DIAPH2: variants seen among roughly 807,000 people sequenced by gnomAD.
DIAPH2 encodes the protein protein diaphanous homolog 2.
Under a neutral mutation model 92.7 loss-of-function variants are expected in DIAPH2, and 35 were observed. The observed-to-expected ratio is 0.38, with a 90% CI of 0.29 to 0.50. DIAPH2 has a LOEUF of 0.50. Among genes scored for constraint, DIAPH2 ranks in the 20% least tolerant of loss-of-function variants. The pLI is 0.94. For missense variants in DIAPH2, 701 were observed against 819.5 expected (o/e 0.86, Z 1.77); for synonymous variants, 301 against 280.4 (o/e 1.07, Z -0.73).
chrX:96,717,646 G>T (rs1239879305), intron 1 of DIAPH2, among the ~76,000 whole-genome samples: 1 of 101,533 alleles, frequency 9.8e-6, no homozygotes, highest in Non-Finnish European at 2.0e-5. Flanking sequence ...TATATAACAT[G>T]TCTTTCCCCC....
chrX:96,958,169 T>G (rs1328833818), intron 16 of DIAPH2, 21 bp downstream of exon 16: 4 of 1,195,740 alleles, frequency 3.3e-6, no homozygotes, highest in Non-Finnish European at 4.5e-6. Flanking sequence ...AACTAGAGTT[T>G]TTTTACTTTG....
intron 23 of DIAPH2, among the ~76,000 whole-genome samples, chrX:97,251,718 CG>C (rs2068191170): frequency 8.9e-6 from 1 of 111,873 alleles, no homozygotes; most frequent in Admixed American, 9.5e-5. Flanking sequence ...CCACAGCGCC[CG>C]GCCTATGTGA....
intron 26 of DIAPH2, among the ~76,000 whole-genome samples, chrX:97,556,963 C>G (rs778033554): frequency 8.9e-6 from 1 of 111,816 alleles, no homozygotes; most frequent in East Asian, 2.8e-4. Flanking sequence ...TCTCAGGAAG[C>G]CCAAAATGTT....
chrX:96,931,002 T>G (rs1365129070), intron 10 of DIAPH2, among the ~76,000 whole-genome samples, 159 bp downstream of exon 10: 2 of 112,290 alleles, frequency 1.8e-5, no homozygotes, highest in African/African-American at 6.5e-5. Context: ...AATAGCATTC[T>G]CTACATACAA....
At chrX:97,539,182 T>C (rs2071120462) in intron 26 of DIAPH2, among the ~76,000 whole-genome samples, 1 of 110,915 alleles carries the variant, frequency 9.0e-6, no homozygotes, top group South Asian at 4.0e-4. Context: ...TTGTCAGTGG[T>C]CAGAATGATT....
At chrX:96,794,454 C>T (rs997650294) in intron 4 of DIAPH2, among the ~76,000 whole-genome samples, 2 of 109,003 alleles carry the variant, frequency 1.8e-5, no homozygotes, top group African/African-American at 6.7e-5. Flanking sequence ...TCCAAGTTGC[C>T]CAGACCATTT....
chrX:97,531,699 C>T (rs965537961), intron 26 of DIAPH2, among the ~76,000 whole-genome samples: 10 of 111,944 alleles, frequency 8.9e-5, no homozygotes, highest in Non-Finnish European at 1.9e-5. Context: ...GTATAGACTG[C>T]TTATGAGAAC....
Position 97,578,228 on chromosome X carries a change from G to C in DIAPH2, c.3242-21025G>C, listed in dbSNP as rs1484235234. On this transcript the variant is annotated intron_variant, in intron 26 of 26. Coordinates refer to ENST00000324765, the MANE Select transcript of DIAPH2 (RefSeq NM_006729.5). ...GTACATGTGCACATTGTGCAGGTTA[G>C]TTACATACGTATACATGTGCCGTGC... 2.8e-5 allele frequency among the ~76,000 whole-genome samples: 3 copies of C among 107,133 alleles called. No homozygotes were observed. In the East Asian group the frequency reaches 8.7e-4, roughly 31 times the overall value. 93.0% of individuals were successfully genotyped at this position (107,133 alleles called of 115,157 possible). A position where few individuals can be genotyped will look rare whatever the true frequency, so the allele number is the denominator to read the frequency against.
intron 22 of DIAPH2, 115 bp from the exon 23 acceptor site, chrX:97,247,600 C>T (rs1283231987): frequency 3.9e-5 from 25 of 643,841 alleles, no homozygotes; most frequent in East Asian, 1.1e-4. Context: ...GAGTTGACTT[C>T]ATGGAACTAT....
chrX:97,238,754 G>A (rs2068068849), intron 22 of DIAPH2, among the ~76,000 whole-genome samples: 1 of 111,615 alleles, frequency 9.0e-6, no homozygotes, highest in African/African-American at 3.3e-5. Context: ...CAGCGTTCAT[G>A]TAAAATGAAA....
intron 22 of DIAPH2, among the ~76,000 whole-genome samples, chrX:97,183,237 T>TC (rs1280481175): frequency 1.7e-4 from 19 of 111,644 alleles, no homozygotes; most frequent in Middle Eastern, 9.3e-3. Context: ...ATCCTCATCT[T>TC]CCCGGGATGA....
At chrX:97,151,852 A>C (rs1426483443) in intron 22 of DIAPH2, among the ~76,000 whole-genome samples, 1 of 111,839 alleles carries the variant, frequency 8.9e-6, no homozygotes, top group Non-Finnish European at 1.9e-5. Flanking sequence ...CTGAAGTAAA[A>C]CACAGGGACA....
rs771506615 is a variant in DIAPH2, at chrX:97,384,060, C to T, written c.3145+16C>T. The stretch of plus-strand genomic sequence containing the variant: ...ATAAACAAAGGTATGAAAATATTTC[C>T]AATTTTTACAAAAATGCAAGAAGTA... On this transcript the variant is annotated intron_variant, in intron 25 of 26. Coordinates refer to ENST00000324765, the MANE Select transcript of DIAPH2 (RefSeq NM_006729.5). 2 of 1,110,894 alleles carry T rather than the reference C, an allele frequency of 1.8e-6. No homozygotes were observed. The highest frequency in any genetic ancestry group is 2.8e-5 in the Admixed American group (1 of 35,432). 91.6% of individuals were successfully genotyped at this position (1,110,894 alleles called of 1,213,427 possible).
intron 22 of DIAPH2, among the ~76,000 whole-genome samples, chrX:97,159,245 C>G: frequency 9.0e-6 from 1 of 111,681 alleles, no homozygotes; most frequent in Non-Finnish European, 1.9e-5. Context: ...CCTTTTCAAC[C>G]TGTGGTGGTA....
intron 19 of DIAPH2, among the ~76,000 whole-genome samples, chrX:97,085,774 A>G (rs1290395189): frequency 8.9e-6 from 1 of 112,085 alleles, no homozygotes; most frequent in Non-Finnish European, 1.9e-5. Flanking sequence ...CAGAATAACT[A>G]GTTAGGATTT....
At chrX:97,105,118 C>T (rs1474292796) in intron 20 of DIAPH2, among the ~76,000 whole-genome samples, 1 of 111,336 alleles carries the variant, frequency 9.0e-6, no homozygotes, top group Non-Finnish European at 1.9e-5. Flanking sequence ...GCAACAGAAC[C>T]AGAACCTGTC....
intron 26 of DIAPH2, among the ~76,000 whole-genome samples, chrX:97,434,746 T>G (rs773836343): frequency 9.1e-6 from 1 of 109,746 alleles, no homozygotes. Flanking sequence ...AGAAAAGGAG[T>G]GGTGATAGTA....
intron 23 of DIAPH2, among the ~76,000 whole-genome samples, chrX:97,300,974 A>AAAAAAAT (rs2068697609): frequency 1.2e-5 from 1 of 83,211 alleles, no homozygotes; most frequent in Admixed American, 1.5e-4. Context: ...AAGAAGAAGA[A>AAAAAAAT]GAATGTCTCC....
intron 4 of DIAPH2, among the ~76,000 whole-genome samples, chrX:96,862,037 T>G (rs1203563371): frequency 9.0e-6 from 1 of 111,695 alleles, no homozygotes; most frequent in African/African-American, 3.3e-5. Context: ...CTACAAAGGC[T>G]TTTTGGACAT....
Sources: allele counts gnomAD v4.1 joint callset (sites outside exome capture counted in the v4.1 genomes callset), GRCh38; gene constraint gnomAD v4.1.1; transcripts MANE v1.5; gene names NCBI Gene and HGNC (gene_info 2026-07-23, HGNC 2026-07-21).